IQGAP2: variants seen among roughly 807,000 people sequenced by gnomAD.
IQGAP2 encodes the protein ras GTPase-activating-like protein IQGAP2.
A neutral mutation model predicts 201.3 loss-of-function variants in IQGAP2; 173 were observed. That is an observed-to-expected ratio of 0.86 (90% CI 0.76 to 0.98). IQGAP2 has a LOEUF of 0.98. IQGAP2 is among the 50% of genes least tolerant of loss of function. IQGAP2 has a pLI of 0.00. For missense variants in IQGAP2, 1,687 were observed against 1,864.8 expected (o/e 0.90, Z 1.76); for synonymous variants, 675 against 673.9 (o/e 1.00, Z -0.03).
chr5:76,670,271 G>A (rs572424095), intron 23 of IQGAP2, among the ~76,000 whole-genome samples: 1 of 152,320 alleles, frequency 6.6e-6, no homozygotes, highest in African/African-American at 2.4e-5. Flanking sequence ...CAGCACTTTG[G>A]GAGGCCAAGA....
At chr5:76,519,863 T>C (rs1758559349) in intron 2 of IQGAP2, among the ~76,000 whole-genome samples, 1 of 152,216 alleles carries the variant, frequency 6.6e-6, no homozygotes, top group Non-Finnish European at 1.5e-5. Context: ...TGCTCAACTC[T>C]TTTGCCCATT....
intron 2 of IQGAP2, among the ~76,000 whole-genome samples, chr5:76,536,654 G>A (rs575988764): frequency 2.6e-4 from 39 of 151,694 alleles, no homozygotes; most frequent in South Asian, 6.2e-4. Flanking sequence ...AGCTACTCTG[G>A]AGGCTGAGGC....
intron 1 of IQGAP2, among the ~76,000 whole-genome samples, chr5:76,429,464 TG>T (rs1561364757): frequency 6.7e-6 from 1 of 150,342 alleles, no homozygotes. Context: ...CCCAGCTACT[TG>T]GGGGGCTGAG....
chr5:76,579,138 T>C (rs1418326675), intron 5 of IQGAP2, among the ~76,000 whole-genome samples: 1 of 152,138 alleles, frequency 6.6e-6, no homozygotes, highest in Non-Finnish European at 1.5e-5. Flanking sequence ...AGGTACGTTA[T>C]TACAAACTTA....
intron 1 of IQGAP2, among the ~76,000 whole-genome samples, chr5:76,458,723 C>T (rs1754243558): frequency 6.6e-6 from 1 of 152,126 alleles, no homozygotes; most frequent in African/African-American, 2.4e-5. Context: ...CACATAGAAC[C>T]TACGAATTGA....
intron 13 of IQGAP2, among the ~76,000 whole-genome samples, chr5:76,625,035 A>T (rs1750096941): frequency 6.6e-6 from 1 of 152,224 alleles, no homozygotes; most frequent in African/African-American, 2.4e-5. Context: ...CCTGGGTGAC[A>T]GAGCAACACT....
rs925812543 is a variant in IQGAP2 at position 76,408,118 on chromosome 5, G to A, written c.46+4527G>A. Among the ~76,000 whole-genome samples, 4 of 152,204 alleles carry A rather than the reference G, an allele frequency of 2.6e-5. 1 individual carries two copies. The highest frequency in any genetic ancestry group is 6.8e-3 in the Middle Eastern group (2 of 294). On this transcript the variant is annotated intron_variant, in intron 1 of 35. Transcript: ENST00000274364. ...AGAGGTTGCAATAAGCCGAGATCAC[G>A]CCACTGCGTTCCAGCCTGGGCGAAA...
chr5:76,689,230 TAAAAAAAAA>T lies in IQGAP2; in HGVS notation c.3906-4107_3906-4099del, dbSNP rs11424254. 3.1e-3 allele frequency among the ~76,000 whole-genome samples: 266 copies of T among 86,498 alleles called. 6 individuals are homozygous for T. Among genetic ancestry groups the T allele is most frequent in the African/African-American group, 0.012 (248 of 21,144 alleles). The allele number at this position is 86,498 out of a possible 152,430, so 56.7% of individuals were successfully genotyped here. A position where few individuals can be genotyped will look rare whatever the true frequency, so the allele number is the denominator to read the frequency against. ...TAATACTACCAAGCACAGGGATATT[TAAAAAAAAA>T]AAAAAAAAAAAAAAAAACCTGGTCG... On this transcript the variant is annotated intron_variant, in intron 30 of 35. Transcript: ENST00000274364.
chr5:76,692,741 T>C (rs1746378560), intron 30 of IQGAP2, among the ~76,000 whole-genome samples: 1 of 152,220 alleles, frequency 6.6e-6, no homozygotes, highest in African/African-American at 2.4e-5. Flanking sequence ...GGTTTCTTTG[T>C]TAACCCTATT....
chr5:76,610,076 CTATATA>C (rs869050901), intron 12 of IQGAP2, among the ~76,000 whole-genome samples: 483 of 18,646 alleles, frequency 0.026, 8 homozygotes, highest in East Asian at 0.085. Context: ...CTCTCTCTCT[CTATATA>C]TATATATATA....
intron 35 of IQGAP2, among the ~76,000 whole-genome samples, chr5:76,706,873 A>G (rs1171547812): frequency 6.6e-6 from 1 of 152,254 alleles, no homozygotes; most frequent in Non-Finnish European, 1.5e-5. Context: ...CTACATAACA[A>G]GAAATTCCTG....
At chr5:76,528,463 T>C (rs1759096261) in intron 2 of IQGAP2, among the ~76,000 whole-genome samples, 1 of 152,326 alleles carries the variant, frequency 6.6e-6, no homozygotes, top group African/African-American at 2.4e-5. Context: ...ATATTTCAAA[T>C]AGGAGGAGAT....
intron 30 of IQGAP2, among the ~76,000 whole-genome samples, chr5:76,686,859 T>G (rs1351734900): frequency 6.6e-6 from 1 of 152,176 alleles, no homozygotes; most frequent in Non-Finnish European, 1.5e-5. Context: ...GCACTATTAG[T>G]TAAACAGACT....
At chr5:76,565,004 G>A (rs1298270939) in intron 3 of IQGAP2, among the ~76,000 whole-genome samples, 1 of 152,206 alleles carries the variant, frequency 6.6e-6, no homozygotes, top group Admixed American at 6.5e-5. Flanking sequence ...ATCCCTGAAA[G>A]TGCCTAGTGT....
intron 1 of IQGAP2, among the ~76,000 whole-genome samples, chr5:76,425,224 C>A (rs1444668835): frequency 6.6e-6 from 1 of 152,202 alleles, no homozygotes; most frequent in Non-Finnish European, 1.5e-5. Context: ...GTGGTTCCAG[C>A]AGGACTGAGG....
intron 13 of IQGAP2, among the ~76,000 whole-genome samples, chr5:76,620,053 C>T (rs1031330400): frequency 1.3e-5 from 2 of 152,114 alleles, no homozygotes; most frequent in East Asian, 3.9e-4. Flanking sequence ...ATGAACACAA[C>T]CCCACCAACA....
chr5:76,641,433 T>C (rs767716045), intron 17 of IQGAP2, among the ~76,000 whole-genome samples: 4 of 152,176 alleles, frequency 2.6e-5, no homozygotes, highest in African/African-American at 4.8e-5. Flanking sequence ...ACAATTTGGC[T>C]TTTTTGTGGT....
chr5:76,565,529 C>T (rs1303909733), intron 3 of IQGAP2, among the ~76,000 whole-genome samples: 3 of 152,192 alleles, frequency 2.0e-5, no homozygotes, highest in Admixed American at 1.3e-4. Flanking sequence ...CCCTCCACAC[C>T]AGGTCTGAGT....
chr5:76,456,911 C>A (rs1268485844), intron 1 of IQGAP2, among the ~76,000 whole-genome samples: 1 of 152,072 alleles, frequency 6.6e-6, no homozygotes. Flanking sequence ...ATAGTGAGAC[C>A]TTTTCTCTAC....
Sources: gnomAD v4.1 joint callset for allele counts (sites outside exome capture counted in the v4.1 genomes callset) on GRCh38, gnomAD v4.1.1 for gene constraint, MANE v1.5 for transcripts, NCBI Gene and HGNC (gene_info 2026-07-23, HGNC 2026-07-21) for gene names.